Variants in LHFPL3 observed in about 807,000 individuals in gnomAD.
LHFPL3 encodes the protein LHFPL tetraspan subfamily member 3 protein.
In LHFPL3, 5 loss-of-function variants were observed where a neutral mutation model predicts 19.3. That is an observed-to-expected ratio of 0.26 (90% CI 0.14 to 0.54). The LOEUF (loss-of-function observed/expected upper bound fraction) is 0.54, where lower values mean the gene tolerates loss of function less well. Ranked by LOEUF, LHFPL3 falls within the 20% of genes least tolerant of loss-of-function variation. The pLI is 0.94. For missense variants in LHFPL3, 249 were observed against 307.4 expected (o/e 0.81, Z 1.42); for synonymous variants, 133 against 126.2 (o/e 1.05, Z -0.36).
At chr7:104,768,722 T>A (rs1405950561) in intron 2 of LHFPL3, 1 of 152,242 alleles carries the variant, frequency 6.6e-6, no homozygotes, top group Non-Finnish European at 1.5e-5. Context: ...CCCAGCATCC[T>A]CCTTTTAGAT....
In LHFPL3 at chr7:104,794,684, T is replaced by C. The variant is rs1790084933; in HGVS notation, c.682+57773T>C. ...TTCAGTGTTTCAAGCAGTTCCTTTC[T>C]TTTCTTGTTTAATATAAAGTGAATT... On this transcript the variant is annotated intron_variant, in intron 2 of 2. Transcript: ENST00000424859. 1.3e-5 allele frequency among the ~76,000 whole-genome samples: 2 copies of C among 152,244 alleles called. 1 individual carries two copies. The highest frequency in any genetic ancestry group is 1.3e-4 in the Admixed American group (2 of 15,288).
intron 1 of LHFPL3, among the ~76,000 whole-genome samples, chr7:104,493,422 C>G (rs1190645625): frequency 6.6e-6 from 1 of 151,774 alleles, no homozygotes; most frequent in Non-Finnish European, 1.5e-5. Flanking sequence ...CTGTGATGGC[C>G]TCCTGATCTA....
intron 2 of LHFPL3, among the ~76,000 whole-genome samples, chr7:104,851,719 G>A (rs1203770653): frequency 6.6e-6 from 1 of 152,088 alleles, no homozygotes; most frequent in African/African-American, 2.4e-5. Context: ...TTCTTTGGAT[G>A]TACCCCAAGA....
At chr7:104,685,572 T>G (rs570566818) in intron 1 of LHFPL3, among the ~76,000 whole-genome samples, 69 of 152,296 alleles carry the variant, frequency 4.5e-4, no homozygotes, top group African/African-American at 1.4e-3. Flanking sequence ...GCCAGATTTT[T>G]GAGAGTCAGA....
At chr7:104,668,609 C>T in intron 1 of LHFPL3, 1 of 1,612,440 alleles carries the variant, frequency 6.2e-7, no homozygotes, top group Non-Finnish European at 8.5e-7. Flanking sequence ...ATGATGACTA[C>T]AGAGAAGGCA....
At chr7:104,519,138 T>C (rs1489572443) in intron 1 of LHFPL3, among the ~76,000 whole-genome samples, 1 of 152,256 alleles carries the variant, frequency 6.6e-6, no homozygotes, top group East Asian at 1.9e-4. Flanking sequence ...TGACTGTCAA[T>C]CACTTACTCT....
At chr7:104,500,735 G>A (rs1262980826) in intron 1 of LHFPL3, among the ~76,000 whole-genome samples, 7 of 152,080 alleles carry the variant, frequency 4.6e-5, no homozygotes, top group Non-Finnish European at 8.8e-5. Flanking sequence ...CAGATTATTC[G>A]CAAGCCTAAA....
chr7:104,722,282 T>C (rs1042547744), intron 1 of LHFPL3, among the ~76,000 whole-genome samples: 6 of 152,186 alleles, frequency 3.9e-5, no homozygotes, highest in Non-Finnish European at 7.4e-5. Flanking sequence ...CAGATCCTTT[T>C]AGTTGAACAA....
intron 1 of LHFPL3, among the ~76,000 whole-genome samples, chr7:104,428,439 T>C (rs1791889658): frequency 6.6e-6 from 1 of 152,224 alleles, no homozygotes; most frequent in Non-Finnish European, 1.5e-5. Context: ...AGCCGTTGTC[T>C]TTTCATAGTT....
chr7:104,710,142 G>A (rs551376394), intron 1 of LHFPL3, among the ~76,000 whole-genome samples: 86 of 152,310 alleles, frequency 5.6e-4, no homozygotes, highest in African/African-American at 1.6e-3. Context: ...CCAACACGGC[G>A]AAACCCCATC....
intron 1 of LHFPL3, among the ~76,000 whole-genome samples, chr7:104,530,607 C>G (rs1794277570): frequency 6.6e-6 from 1 of 152,194 alleles, no homozygotes; most frequent in Non-Finnish European, 1.5e-5. Flanking sequence ...TCATTCATTT[C>G]TTAACCATAG....
intron 1 of LHFPL3, among the ~76,000 whole-genome samples, chr7:104,381,240 A>G (rs1790822243): frequency 6.6e-6 from 1 of 152,180 alleles, no homozygotes; most frequent in South Asian, 2.1e-4. Flanking sequence ...AGTTGTACAG[A>G]TCAAGTTGAG....
chr7:104,895,125 T>C (rs3815553), intron 2 of LHFPL3: 64,455 of 152,052 alleles, frequency 0.42, 15,013 homozygotes, highest in Middle Eastern at 0.54. Flanking sequence ...TTTCTTCTCC[T>C]AGTCATTACC....
intron 1 of LHFPL3, among the ~76,000 whole-genome samples, chr7:104,538,414 T>C (rs1794427325): frequency 6.6e-6 from 1 of 152,200 alleles, no homozygotes; most frequent in Non-Finnish European, 1.5e-5. Context: ...AGAGGTCTTA[T>C]GGGGCCATGA....
Position 104,486,545 on chromosome 7 carries a change from C to G in LHFPL3, c.445+157321C>G, listed in dbSNP as rs142510370. Among the ~76,000 whole-genome samples, 278 of 152,218 alleles carry G rather than the reference C, an allele frequency of 1.8e-3. 3 individuals are homozygous for G. Among genetic ancestry groups the G allele is most frequent in the African/African-American group, 6.3e-3 (262 of 41,534 alleles). Reference sequence around the variant, plus strand: ...GGTGAGAGGAGTGAGGAGTCTCTCTCAAACCTCTTCTCTAAAGGCACTAAT... The same window carrying G: ...GGTGAGAGGAGTGAGGAGTCTCTCTGAAACCTCTTCTCTAAAGGCACTAAT... On this transcript the variant is annotated intron_variant, in intron 1 of 2. Coordinates refer to ENST00000424859, the MANE Select transcript of LHFPL3 (RefSeq NM_199000.3).
intron 2 of LHFPL3, among the ~76,000 whole-genome samples, chr7:104,859,185 T>G (rs1338401402): frequency 6.6e-6 from 1 of 151,504 alleles, no homozygotes. Context: ...GAGAATCACT[T>G]GAACCCAGGA....
chr7:104,600,025 C>G (rs1039410293), intron 1 of LHFPL3, among the ~76,000 whole-genome samples: 1 of 152,188 alleles, frequency 6.6e-6, no homozygotes, highest in African/African-American at 2.4e-5. Context: ...ATGCTAGAAG[C>G]CTCAGATGAG....
intron 1 of LHFPL3, among the ~76,000 whole-genome samples, chr7:104,342,814 A>G (rs1028922161): frequency 6.6e-6 from 1 of 152,224 alleles, no homozygotes; most frequent in Non-Finnish European, 1.5e-5. Flanking sequence ...CAAACCAAGT[A>G]GAAAATTTGA....
intron 1 of LHFPL3, among the ~76,000 whole-genome samples, chr7:104,394,632 T>C (rs1791145375): frequency 6.6e-6 from 1 of 152,174 alleles, no homozygotes; most frequent in Admixed American, 6.5e-5. Context: ...GATTTTATAT[T>C]TCCTTTTTAA....
Sources: allele counts gnomAD v4.1 joint callset (sites outside exome capture counted in the v4.1 genomes callset), GRCh38; gene constraint gnomAD v4.1.1; transcripts MANE v1.5; gene names NCBI Gene and HGNC (gene_info 2026-07-23, HGNC 2026-07-21).